Variants in ABLIM2 observed in about 807,000 individuals in gnomAD.
ABLIM2 encodes the protein actin binding LIM protein family member 2, also known as actin-binding LIM protein 2.
ABLIM2 carries 53 observed loss-of-function variants against 97.7 expected under a neutral mutation model. That is an observed-to-expected ratio of 0.54 (90% CI 0.44 to 0.68). The LOEUF is 0.68. Among genes scored for constraint, ABLIM2 ranks in the 30% least tolerant of loss-of-function variants. The probability of loss-of-function intolerance (pLI) is 0.00; values close to 1 mark genes in which losing one functional copy is unlikely to be tolerated. For synonymous variants in ABLIM2, 361 were observed against 345.8 expected (o/e 1.04, Z -0.49); for missense variants, 835 against 867.2 (o/e 0.96, Z 0.47).
Position 8,021,712 on chromosome 4 carries a change from C to T in ABLIM2, c.1268-1409G>A, listed in dbSNP as rs945840614. Among the ~76,000 whole-genome samples, 1 of 152,222 alleles carries T rather than the reference C, an allele frequency of 6.6e-6. No homozygotes were observed. The highest frequency in any genetic ancestry group is 2.1e-4 in the South Asian group (1 of 4,834). On this transcript the variant is annotated intron_variant, in intron 12 of 20. Coordinates refer to ENST00000447017, the MANE Select transcript of ABLIM2 (RefSeq NM_001130083.2). This position sits in a 1 kb window ranked among gnomAD's most constrained non-coding sequence, Gnocchi z 5.5. Reference sequence around the variant, plus strand: ...TTGCCTGGTGGTGGGCTGCATGCAGCGGGAGGTCACCTAGGAGCAGGGTGG... The same window carrying T: ...TTGCCTGGTGGTGGGCTGCATGCAGTGGGAGGTCACCTAGGAGCAGGGTGG...
Position 7,966,135 on chromosome 4 carries a change from A to T in ABLIM2, c.*855T>A, listed in dbSNP as rs1722872721. The T allele has an allele frequency of 6.6e-6, 1 of 152,338 alleles. No homozygotes were observed. The highest frequency in any genetic ancestry group is 2.1e-4 in the South Asian group (1 of 4,828). 9.4% of individuals were successfully genotyped at this position (152,338 alleles called of 1,614,324 possible). A position where few individuals can be genotyped will look rare whatever the true frequency, so the allele number is the denominator to read the frequency against. On this transcript the variant is annotated 3_prime_UTR_variant, in exon 21 of 21. Coordinates refer to ENST00000447017, the MANE Select transcript of ABLIM2 (RefSeq NM_001130083.2). Reference sequence around the variant, plus strand: ...GTGACGAGAAAAAGAAAAAAGAAAAAGAAAAGAAACTAGACAGGGAGCTCT... The same window carrying T: ...GTGACGAGAAAAAGAAAAAAGAAAATGAAAAGAAACTAGACAGGGAGCTCT...
chr4:8,006,719 C>T (rs376705245), intron 16 of ABLIM2, among the ~76,000 whole-genome samples: 5 of 152,182 alleles, frequency 3.3e-5, no homozygotes, highest in African/African-American at 7.2e-5. Flanking sequence ...AGAGAGGGAC[C>T]GGAGGACTGG....
intron 6 of ABLIM2, among the ~76,000 whole-genome samples, chr4:8,064,195 C>G (rs1185793783): frequency 6.6e-6 from 1 of 152,218 alleles, no homozygotes; most frequent in Non-Finnish European, 1.5e-5. Context: ...TGCTGAGAAA[C>G]CCTTTGTCCT....
At position 8,032,984 on chromosome 4, in the gene ABLIM2, T is replaced by C. The variant is rs1415972277; in HGVS notation, c.1047+3165A>G. On this transcript the variant is annotated intron_variant, in intron 10 of 20. Coordinates refer to ENST00000447017, the MANE Select transcript of ABLIM2 (RefSeq NM_001130083.2). This position sits in a 1 kb window ranked among gnomAD's most constrained non-coding sequence, Gnocchi z 4.3. ...CCCACTGTTCTCCCACAAAGATGTG[T>C]TTTCCCAAAAGGAAGACACTGGCTC... 6.6e-6 allele frequency among the ~76,000 whole-genome samples: 1 copy of C among 152,172 alleles called. No homozygotes were observed. The highest frequency in any genetic ancestry group is 1.5e-5 in the Non-Finnish European group (1 of 68,040).
chr4:7,983,141 G>A, intron 20 of ABLIM2, 123 bp downstream of exon 20: 2 of 1,014,722 alleles, frequency 2.0e-6, no homozygotes, highest in South Asian at 2.8e-5. Flanking sequence ...CTGCATCACG[G>A]CAAGGCTCTG....
At chr4:8,079,402 C>T (rs1410304659) in intron 5 of ABLIM2, among the ~76,000 whole-genome samples, 1 of 152,216 alleles carries the variant, frequency 6.6e-6, no homozygotes, top group Non-Finnish European at 1.5e-5. Flanking sequence ...CTGCCGCCTG[C>T]ACGGGGCTGG....
Position 8,072,213 on chromosome 4 carries a change from C to T in ABLIM2, c.675+5415G>A, listed in dbSNP as rs1812704756. Among the ~76,000 whole-genome samples, 1 of 152,222 alleles carries T rather than the reference C, an allele frequency of 6.6e-6. No homozygotes were observed. The highest frequency in any genetic ancestry group is 1.5e-5 in the Non-Finnish European group (1 of 68,044). On this transcript the variant is annotated intron_variant, in intron 6 of 20. Coordinates refer to ENST00000447017, the MANE Select transcript of ABLIM2 (RefSeq NM_001130083.2). The surrounding 1 kb of genome is among the most constrained non-coding windows in gnomAD (Gnocchi z 5.8). ...TCCTGTTCCTCGAATTAGGATGGTT[C>T]CTTCCCGATGAACCAGGGCGCACCC...
At chr4:8,080,832 C>G in intron 4 of ABLIM2, 30 bp from the exon 5 acceptor site, 1 of 1,581,766 alleles carries the variant, frequency 6.3e-7, no homozygotes, top group Non-Finnish European at 8.6e-7. Flanking sequence ...ACACAGACAC[C>G]CCCACCATTG....
chr4:8,025,345 G>T (rs1363249920), intron 12 of ABLIM2, among the ~76,000 whole-genome samples: 1 of 152,236 alleles, frequency 6.6e-6, no homozygotes, highest in Admixed American at 6.5e-5. Context: ...CAAAGGGAAG[G>T]TGCCTCCTGG....
rs371630767 is a variant in ABLIM2 at position 8,020,219 on chromosome 4, C to T, written c.1352G>A (p.Arg451His). 9 of 1,613,298 alleles carry T rather than the reference C, an allele frequency of 5.6e-6. No individual in the cohort carries two copies. Among genetic ancestry groups the T allele is most frequent in the Admixed American group, 5.0e-5 (3 of 59,984 alleles). Residue 451 changes from arginine to histidine, a missense_variant, in exon 13 of 21, where the codon CGC (arginine) becomes CAC (histidine). Arg to His is a conservative substitution (Grantham distance 29). Coordinates refer to ENST00000447017, the MANE Select transcript of ABLIM2 (RefSeq NM_001130083.2). ...GAGCCTACCTGGGACGTGGAAGTGGCGAGGTGCCTGCTGGTAGGTGGAGGG... is the reference window on the plus strand; with the variant it reads ...GAGCCTACCTGGGACGTGGAAGTGGTGAGGTGCCTGCTGGTAGGTGGAGGG... The part of the protein sequence containing the change: ...PPPSTYQQAP[R>H]HFHVPDTGVK...
At chr4:8,030,390 C>T (rs1207158167) in intron 10 of ABLIM2, among the ~76,000 whole-genome samples, 1 of 152,162 alleles carries the variant, frequency 6.6e-6, no homozygotes, top group Non-Finnish European at 1.5e-5. Flanking sequence ...CTGCCTGGCC[C>T]ACCACAGCTT....
At position 8,061,104 on chromosome 4, in the gene ABLIM2, G is replaced by A. The variant is rs1262288085; in HGVS notation, c.676-50C>T. The stretch of plus-strand genomic sequence containing the variant: ...TGTTTCTACTAAAGCCAGAAAGGTC[G>A]GCTGGGTCCCAGCGCCCGGCATGGA... On this transcript the variant is annotated intron_variant, in intron 6 of 20. Coordinates refer to ENST00000447017, the MANE Select transcript of ABLIM2 (RefSeq NM_001130083.2). This position sits in a 1 kb window ranked among gnomAD's most constrained non-coding sequence, Gnocchi z 4.5. The A allele has an allele frequency of 1.5e-5, 23 of 1,518,264 alleles. No homozygotes were observed. The highest frequency in any genetic ancestry group is 4.8e-5 in the South Asian group (4 of 83,440). The allele number at this position is 1,518,264 out of a possible 1,614,324, so 94.0% of individuals were successfully genotyped here.
At position 8,043,218 on chromosome 4, in the gene ABLIM2, T is replaced by C. The variant is rs1481807126; in HGVS notation, c.900+1946A>G. Among the ~76,000 whole-genome samples, 1 of 152,196 alleles carries C rather than the reference T, an allele frequency of 6.6e-6. No homozygotes were observed. The highest frequency in any genetic ancestry group is 2.4e-5 in the African/African-American group (1 of 41,446). ...ACCTGCGTCCCTGAAGGCTCCTGTG[T>C]CACCTAAAACTTTGATTAAATACGT... On this transcript the variant is annotated intron_variant, in intron 9 of 20. Coordinates refer to ENST00000447017, the MANE Select transcript of ABLIM2 (RefSeq NM_001130083.2). The surrounding 1 kb of genome is among the most constrained non-coding windows in gnomAD (Gnocchi z 4.8).
In ABLIM2 at chr4:8,050,426, G is replaced by T. The variant is rs554401896; in HGVS notation, c.822+3762C>A. Among the ~76,000 whole-genome samples the T allele has an allele frequency of 5.3e-5, 8 of 152,304 alleles. No individual in the cohort carries two copies. The South Asian group carries it at 1.7e-3, about 32-fold the overall frequency. ...CTTTCCTGGGGCCAGGTGCTCAGGG[G>T]TTGGCCTCTTGCTGAAGAGCAACCC... On this transcript the variant is annotated intron_variant, in intron 8 of 20. Coordinates refer to ENST00000447017, the MANE Select transcript of ABLIM2 (RefSeq NM_001130083.2).
rs762809690 is a variant in ABLIM2, at chr4:8,128,083, G to T, written c.11-21446C>A. On this transcript the variant is annotated intron_variant, in intron 1 of 20. Coordinates refer to ENST00000447017, the MANE Select transcript of ABLIM2 (RefSeq NM_001130083.2). This position sits in a 1 kb window ranked among gnomAD's most constrained non-coding sequence, Gnocchi z 4.9. ...ACCCTGCTCTTCACAGGGGTATAGG[G>T]AGCTCAGGCTGCCTCTTCCCGCTGC... Among the ~76,000 whole-genome samples, 7 of 152,190 alleles carry T rather than the reference G, an allele frequency of 4.6e-5. No individual in the cohort carries two copies. Among genetic ancestry groups the T allele is most frequent in the Non-Finnish European group, 8.8e-5 (6 of 68,034 alleles).
chr4:8,006,868 G>T (rs891976506), intron 16 of ABLIM2, among the ~76,000 whole-genome samples: 15 of 149,768 alleles, frequency 1.0e-4, no homozygotes, highest in Admixed American at 7.9e-4. Context: ...CCCTCTGGGG[G>T]ATTTTTGCAG....
intron 16 of ABLIM2, chr4:8,007,262 T>A: frequency 1.0e-6 from 1 of 985,356 alleles, no homozygotes; most frequent in Non-Finnish European, 1.2e-6. Context: ...CTGGCGCCCA[T>A]CACACGACGG....
At chr4:7,968,583 G>T (rs1724914603) in intron 20 of ABLIM2, among the ~76,000 whole-genome samples, 1 of 152,192 alleles carries the variant, frequency 6.6e-6, no homozygotes, top group African/African-American at 2.4e-5. Context: ...AGACACCAAA[G>T]ACCACATAGT....
chr4:8,049,617 C>T (rs1794724660), intron 8 of ABLIM2, among the ~76,000 whole-genome samples: 1 of 152,242 alleles, frequency 6.6e-6, no homozygotes, highest in South Asian at 2.1e-4. Flanking sequence ...ACAGTCTATT[C>T]TCTCTGAAGC....
Sources: allele counts gnomAD v4.1 joint callset (sites outside exome capture counted in the v4.1 genomes callset), GRCh38; gene constraint gnomAD v4.1.1; non-coding constraint Gnocchi (gnomAD v3.1); transcripts MANE v1.5; gene names NCBI Gene and HGNC (gene_info 2026-07-23, HGNC 2026-07-21).